GASK1A: variants seen among roughly 807,000 people sequenced by gnomAD.
GASK1A encodes the protein golgi associated kinase 1A.
Under a neutral mutation model 41.2 loss-of-function variants are expected in GASK1A, and 40 were observed. That is an observed-to-expected ratio of 0.97 (90% confidence interval 0.75 to 1.27). GASK1A has a LOEUF of 1.27. Ranked by LOEUF, GASK1A falls within the 50% of genes most tolerant of loss-of-function variation. The probability of loss-of-function intolerance (pLI) is 0.00; values close to 1 mark genes in which losing one functional copy is unlikely to be tolerated. For missense variants in GASK1A, 678 were observed against 745.1 expected (o/e 0.91, Z 1.05); for synonymous variants, 316 against 307.1 (o/e 1.03, Z -0.30).
At chr3:43,053,694 G>A (rs370097509) in intron 3 of GASK1A, 51 bp downstream of exon 3, 134 of 1,547,894 alleles carry the variant, frequency 8.7e-5, no homozygotes, top group Non-Finnish European at 1.2e-4. Context: ...AGGTCTTTCT[G>A]TGTCCTTCAG....
chr3:43,013,546 A>G (rs1037587477), intron 1 of GASK1A, among the ~76,000 whole-genome samples: 4 of 150,386 alleles, frequency 2.7e-5, no homozygotes, highest in African/African-American at 9.8e-5. Context: ...AGGAACAGGC[A>G]TTGTGAAGCC....
intron 1 of GASK1A, among the ~76,000 whole-genome samples, chr3:43,025,748 G>T (rs988437965): frequency 6.6e-6 from 1 of 152,168 alleles, no homozygotes; most frequent in Non-Finnish European, 1.5e-5. Context: ...TTGCTCTGAG[G>T]GCTGATTAGT....
At chr3:43,002,922 C>A (rs966504676) in intron 1 of GASK1A, among the ~76,000 whole-genome samples, 1 of 152,198 alleles carries the variant, frequency 6.6e-6, no homozygotes, top group South Asian at 2.1e-4. Context: ...CAATTCCCAC[C>A]TTCCTTGTTT....
At chr3:43,008,109 G>C (rs1029227715) in intron 1 of GASK1A, among the ~76,000 whole-genome samples, 7 of 152,226 alleles carry the variant, frequency 4.6e-5, no homozygotes, top group African/African-American at 1.7e-4. Flanking sequence ...ACCTGGGTTT[G>C]AGTCTAACTC....
At chr3:42,979,785 T>A in intron 1 of GASK1A, 140 bp downstream of exon 1, 3 of 872,250 alleles carry the variant, frequency 3.4e-6, no homozygotes, top group East Asian at 3.3e-5. Flanking sequence ...GAAAGTTGCA[T>A]GGGGCGGCGG....
rs116427990 is a variant in GASK1A at position 43,025,025 on chromosome 3, A to G, written c.4-7242A>G. 3.7e-3 allele frequency among the ~76,000 whole-genome samples: 566 copies of G among 152,270 alleles called. 1 individual carries two copies. Among genetic ancestry groups the G allele is most frequent in the South Asian group, 6.2e-3 (30 of 4,816 alleles). ...TTCAGGCAGAAGGATCAACACATATAAAGGTGTGGAGACAGAGTGGGTCTG... is the reference window on the plus strand; with the variant it reads ...TTCAGGCAGAAGGATCAACACATATGAAGGTGTGGAGACAGAGTGGGTCTG... On this transcript the variant is annotated intron_variant, in intron 1 of 4. Transcript: ENST00000430121.
intron 1 of GASK1A, among the ~76,000 whole-genome samples, chr3:43,008,079 A>G (rs974923456): frequency 2.0e-5 from 3 of 152,248 alleles, no homozygotes; most frequent in African/African-American, 7.2e-5. Context: ...TCCGGCTAAT[A>G]AACTGATGGA....
intron 2 of GASK1A, among the ~76,000 whole-genome samples, chr3:43,041,059 AT>A (rs1264651050): frequency 6.7e-6 from 1 of 150,066 alleles, no homozygotes; most frequent in African/African-American, 2.4e-5. Flanking sequence ...TGAACTCATC[AT>A]TTTTTATGGC....
chr3:43,050,898 T>C (rs1026585050), intron 2 of GASK1A, among the ~76,000 whole-genome samples: 2 of 152,184 alleles, frequency 1.3e-5, no homozygotes, highest in Non-Finnish European at 2.9e-5. Flanking sequence ...ATGTAGTCTT[T>C]ATGGTGAGGT....
At chr3:43,019,664 C>G (rs901207111) in intron 1 of GASK1A, among the ~76,000 whole-genome samples, 1 of 152,098 alleles carries the variant, frequency 6.6e-6, no homozygotes, top group East Asian at 1.9e-4. Flanking sequence ...GGCAGGGTGG[C>G]TGTTTAGAAA....
At position 43,036,562 on chromosome 3, in the gene GASK1A, A is replaced by G. The variant is rs1380698134; in HGVS notation, c.1290+3009A>G. Among the ~76,000 whole-genome samples the G allele has an allele frequency of 4.6e-5, 7 of 152,220 alleles. No homozygotes were observed. In the East Asian group the frequency reaches 1.2e-3, roughly 25 times the overall value. ...CATACCTGTGCTTCACAAATCCCAT[A>G]TAACACTCTGTATTAGTTAGTGATT... is the stretch of plus-strand genomic sequence containing the variant. On this transcript the variant is annotated intron_variant, in intron 2 of 4. Transcript: ENST00000430121.
intron 1 of GASK1A, among the ~76,000 whole-genome samples, chr3:43,004,656 C>T (rs1403451178): frequency 6.6e-6 from 1 of 152,180 alleles, no homozygotes; most frequent in Admixed American, 6.5e-5. Context: ...GGATTTGGGC[C>T]TTTCACCACG....
At chr3:43,005,197 C>T (rs1431638032) in intron 1 of GASK1A, among the ~76,000 whole-genome samples, 17 of 152,160 alleles carry the variant, frequency 1.1e-4, no homozygotes, top group Admixed American at 7.9e-4. Context: ...TTAATCACAC[C>T]GTCCGAATCC....
chr3:42,987,250 C>G (rs139835170), intron 1 of GASK1A, among the ~76,000 whole-genome samples: 2 of 152,248 alleles, frequency 1.3e-5, no homozygotes, highest in Non-Finnish European at 2.9e-5. Context: ...ACAATCTAAA[C>G]TAATCCTGGT....
Position 43,040,879 on chromosome 3 carries a change from C to CCA in GASK1A, c.1290+7327_1290+7328insAC, listed in dbSNP as rs931427698. Among the ~76,000 whole-genome samples the CCA allele has an allele frequency of 1.8e-4, 22 of 121,464 alleles. 1 individual carries two copies. The highest frequency in any genetic ancestry group is 2.5e-4 in the Admixed American group (3 of 11,886). The allele number at this position is 121,464 out of a possible 152,430, so 79.7% of individuals were successfully genotyped here. On this transcript the variant is annotated intron_variant, in intron 2 of 4. Coordinates refer to ENST00000430121, the MANE Select transcript of GASK1A (RefSeq NM_001129908.3). ...GTATATCTCCCAATGCTATCCCTCC[C>CCA]CCCCGCCACAACAGTCCGCAGAGTG...
chr3:43,023,288 C>G (rs1445969896), intron 1 of GASK1A, among the ~76,000 whole-genome samples: 1 of 152,174 alleles, frequency 6.6e-6, no homozygotes, highest in African/African-American at 2.4e-5. Flanking sequence ...AGGCAAGGAA[C>G]AGATTCTCCC....
Position 43,009,093 on chromosome 3 carries a change from G to A in GASK1A, c.4-23174G>A, listed in dbSNP as rs776257906. ...TGTTGAATCCTCACAGCAACTCTTT[G>A]AGGGAGGAACCATTTTCATACTCAT... On this transcript the variant is annotated intron_variant, in intron 1 of 4. Coordinates refer to ENST00000430121, the MANE Select transcript of GASK1A (RefSeq NM_001129908.3). 2.8e-4 allele frequency among the ~76,000 whole-genome samples: 43 copies of A among 152,292 alleles called. No individual in the cohort carries two copies. The Middle Eastern group carries it at 0.017, about 60-fold the overall frequency.
Position 43,047,011 on chromosome 3 carries a change from C to A in GASK1A, c.1291-6510C>A, listed in dbSNP as rs181231068. On this transcript the variant is annotated intron_variant, in intron 2 of 4. Transcript: ENST00000430121. The stretch of plus-strand genomic sequence containing the variant: ...ACCTGGATGTCCAGGCAGAAGTCTG[C>A]TGAAGGGGTGGAACCCTCATGGAGA... 1.1e-4 allele frequency among the ~76,000 whole-genome samples: 17 copies of A among 152,364 alleles called. No homozygotes were observed. The East Asian group carries it at 3.1e-3, about 28-fold the overall frequency.
chr3:43,055,726 C>G, intron 4 of GASK1A, 191 bp downstream of exon 4: 1 of 576,172 alleles, frequency 1.7e-6, no homozygotes, highest in African/African-American at 1.9e-5. Context: ...CAGGGCCTAC[C>G]CCAATATCCA....
Sources: allele counts gnomAD v4.1 joint callset (sites outside exome capture counted in the v4.1 genomes callset), GRCh38; gene constraint gnomAD v4.1.1; transcripts MANE v1.5; gene names NCBI Gene and HGNC (gene_info 2026-07-23, HGNC 2026-07-21).